The following FAM217A variants were observed in gnomAD, a reference collection of about 807,000 sequenced individuals.
The protein encoded by FAM217A is family with sequence similarity 217 member A.
FAM217A carries 13 observed loss-of-function variants against 18.5 expected under a neutral mutation model. That is an observed-to-expected ratio of 0.70 (90% CI 0.46 to 1.12). The LOEUF (loss-of-function observed/expected upper bound fraction) is 1.12. Among genes scored for constraint, FAM217A ranks in the 50% most tolerant of loss-of-function variants. FAM217A has a pLI of 0.00. For synonymous variants in FAM217A, 161 were observed against 202.8 expected (o/e 0.79, Z 1.75); for missense variants, 560 against 575.4 (o/e 0.97, Z 0.27).
At chr6:4,080,134 T>C (rs896303287), upstream of FAM217A, among the ~76,000 whole-genome samples, 1 of 152,154 alleles carries the variant, frequency 6.6e-6, no homozygotes, top group African/African-American at 2.4e-5. Context: ...AATCTCCCCA[T>C]AAAAATGCAC....
intron 2 of FAM217A, among the ~76,000 whole-genome samples, chr6:4,084,356 C>T (rs1770503524): frequency 6.6e-6 from 1 of 152,180 alleles, no homozygotes; most frequent in African/African-American, 2.4e-5. Flanking sequence ...ACACATCAAT[C>T]ACTGAATTTC....
At chr6:4,087,098 C>G, upstream of FAM217A, 1 of 401,256 alleles carries the variant, frequency 2.5e-6, no homozygotes, top group East Asian at 3.6e-5. Context: ...ACCACTCTCT[C>G]TTGGGGCCTC....
intron 6 of FAM217A, among the ~76,000 whole-genome samples, chr6:4,072,425 G>A (rs1267815993): frequency 1.4e-5 from 2 of 143,918 alleles, no homozygotes; most frequent in Non-Finnish European, 3.0e-5. Flanking sequence ...TAACAAACCT[G>A]CAAGTTCTGC....
At position 4,074,431 on chromosome 6, in the gene FAM217A, A is replaced by T; in HGVS notation, c.159+12T>A. ...TTTTATGAATACCTTAAAACCAAAC[A>T]TTCATCCTTACCTTGTTAATTTTGC... On this transcript the variant is annotated intron_variant, in intron 4 of 6. Transcript: ENST00000274673. 6.4e-7 allele frequency: 1 copy of T among 1,570,688 alleles called. No individual in the cohort carries two copies. The highest frequency in any genetic ancestry group is 2.2e-5 in the East Asian group (1 of 44,500).
At chr6:4,077,910 A>G (rs910441376) in intron 1 of FAM217A, among the ~76,000 whole-genome samples, 5 of 152,142 alleles carry the variant, frequency 3.3e-5, no homozygotes, top group African/African-American at 1.2e-4. Context: ...CCCAGGACCA[A>G]ACAATATTTT....
chr6:4,078,442 TAGG>T (rs1009157215), intron 1 of FAM217A, among the ~76,000 whole-genome samples: 3 of 152,220 alleles, frequency 2.0e-5, no homozygotes, highest in East Asian at 1.9e-4. Context: ...TATGAAGAAA[TAGG>T]AGATTTAGTT....
At chr6:4,072,137 T>C (rs1769459576) in intron 6 of FAM217A, among the ~76,000 whole-genome samples, 1 of 151,040 alleles carries the variant, frequency 6.6e-6, no homozygotes, top group Non-Finnish European at 1.5e-5. Flanking sequence ...GGTCAGGAGT[T>C]CAAGACCAGC....
chr6:4,086,377 C>T (rs543543179), intron 1 of FAM217A, among the ~76,000 whole-genome samples: 1 of 137,156 alleles, frequency 7.3e-6, no homozygotes, highest in Non-Finnish European at 1.5e-5. Flanking sequence ...ACTAGGGAGG[C>T]AGAGGTTGCA....
intron 6 of FAM217A, among the ~76,000 whole-genome samples, chr6:4,071,465 A>G (rs1162633669): frequency 6.6e-6 from 1 of 151,968 alleles, no homozygotes; most frequent in East Asian, 1.9e-4. Context: ...TTTATTTTCC[A>G]CCTTTTGCAG....
At chr6:4,079,529 C>T, upstream of FAM217A, 1 of 1,042,166 alleles carries the variant, frequency 9.6e-7, no homozygotes, top group Non-Finnish European at 1.3e-6. Flanking sequence ...CCTCCCCAGG[C>T]CTTCCCCGAG....
intron 1 of FAM217A, among the ~76,000 whole-genome samples, chr6:4,085,128 T>C (rs1031491644): frequency 1.3e-5 from 2 of 152,164 alleles, no homozygotes; most frequent in South Asian, 4.1e-4. Context: ...CCAAGAATAT[T>C]AGCACCATGG....
chr6:4,086,164 AAGCT>A (rs1770643839), intron 1 of FAM217A, among the ~76,000 whole-genome samples: 1 of 151,734 alleles, frequency 6.6e-6, no homozygotes, highest in Non-Finnish European at 1.5e-5. Context: ...AAAAGAAAGA[AAGCT>A]AGGCGAGGTG....
At chr6:4,079,764 TAGAA>T, upstream of FAM217A, 1 of 826,530 alleles carries the variant, frequency 1.2e-6, no homozygotes. Flanking sequence ...TATATTAACA[TAGAA>T]GAAGAGGCAT....
chr6:4,069,868 T>C lies in FAM217A; in HGVS notation c.355A>G (p.Ile119Val), dbSNP rs772195014. The change falls in exon 7 of 7, where the codon ATA becomes GTA. Residue 119 changes from isoleucine to valine, a missense_variant. Ile to Val is a conservative substitution (Grantham distance 29). Transcript: ENST00000274673. ...ETGFNVINHPIRVFTLNHPLT... is the reference protein window; with the variant it reads ...ETGFNVINHPVRVFTLNHPLT... Reference sequence around the variant, plus strand: ...GGGTGGTTCAGAGTGAAGACCCTTATAGGATGATTGATTACATTAAAGCCA... The same window carrying C: ...GGGTGGTTCAGAGTGAAGACCCTTACAGGATGATTGATTACATTAAAGCCA... The C allele has an allele frequency of 5.5e-5, 89 of 1,608,370 alleles. No individual in the cohort carries two copies. Among genetic ancestry groups the C allele is most frequent in the Non-Finnish European group, 7.0e-5 (82 of 1,177,980 alleles).
intron 1 of FAM217A, 98 bp downstream of exon 1, chr6:4,078,754 T>C (rs946883503): frequency 1.7e-5 from 7 of 406,306 alleles, no homozygotes; most frequent in African/African-American, 1.2e-4. Context: ...GGAATCCCCT[T>C]TTCCTCCTGA....
Position 4,068,913 on chromosome 6 carries a change from G to A in FAM217A, c.1310C>T (p.Pro437Leu). The A allele has an allele frequency of 6.2e-7, 1 of 1,614,148 alleles. No homozygotes were observed. Residue 437 changes from proline (P) to leucine (L), a missense_variant, in exon 7 of 7, where the codon CCA (proline) becomes CTA (leucine). Physicochemically the swap from Pro to Leu is moderately conservative, Grantham distance 98 (BLOSUM62 -3). Transcript: ENST00000274673. ...MVKMVSTRCL[P>L]WRSPMPVSPI... ...TGAAACTGGCATTGGAGACCTCCAT[G>A]GCAGACATCTTGTGGAGACCATTTT...
At chr6:4,074,792 G>A in intron 2 of FAM217A, 131 bp from the exon 3 acceptor site, 1 of 641,274 alleles carries the variant, frequency 1.6e-6, no homozygotes. Flanking sequence ...TCATTATAAA[G>A]AACTTATCAG....
chr6:4,079,587 A>T, upstream of FAM217A: 1 of 1,286,880 alleles, frequency 7.8e-7, no homozygotes, highest in Non-Finnish European at 1.0e-6. Context: ...TCTCCGCGAC[A>T]TGGCCAGTGG....
chr6:4,068,720 G>A lies in FAM217A; in HGVS notation c.1503C>T (p.Cys501=). ...GTTATTTTTGTTCAATGGGTGAGCA[G>A]CACTTATCCTTAGCAATAAGGGAAG... ...LSPSLIAKDK[C]CSPIEQK Residue 501 remains cysteine, a synonymous_variant, in exon 7 of 7, where the codon TGC becomes TGT. Transcript: ENST00000274673. 2 of 1,610,878 alleles carry A rather than the reference G, an allele frequency of 1.2e-6. No individual in the cohort carries two copies. Among genetic ancestry groups the A allele is most frequent in the South Asian group, 2.2e-5 (2 of 90,288 alleles).
Sources: gnomAD v4.1 joint callset for allele counts (sites outside exome capture counted in the v4.1 genomes callset) on GRCh38, gnomAD v4.1.1 for gene constraint, MANE v1.5 for transcripts, NCBI Gene and HGNC (gene_info 2026-07-23, HGNC 2026-07-21) for gene names.